NREP: variants seen among roughly 807,000 people sequenced by gnomAD.
NREP encodes neuronal regeneration-related protein.
Under a neutral mutation model 8.6 loss-of-function variants are expected in NREP, and 5 were observed. That is an observed-to-expected ratio of 0.58 (90% CI 0.30 to 1.22). NREP has a LOEUF of 1.22. Among genes scored for constraint, NREP ranks in the 50% most tolerant of loss-of-function variants. The pLI is 0.07. For synonymous variants in NREP, 27 were observed against 28.0 expected, an observed-to-expected ratio of 0.96 and a Z score of 0.11; for missense variants, 86 against 82.5, an observed-to-expected ratio of 1.04 and a Z score of -0.17.
At chr5:111,931,862 C>G (rs1314343270) in intron 2 of NREP, among the ~76,000 whole-genome samples, 6 of 151,908 alleles carry the variant, frequency 3.9e-5, no homozygotes, top group Non-Finnish European at 8.8e-5. Flanking sequence ...ATATCTTTCT[C>G]ATTAGGCCTT....
chr5:111,892,709 A>T (rs1274630797), intron 2 of NREP, among the ~76,000 whole-genome samples: 1 of 152,178 alleles, frequency 6.6e-6, no homozygotes, highest in Non-Finnish European at 1.5e-5. Flanking sequence ...AATATAATTA[A>T]AAGAGTGACT....
intron 2 of NREP, among the ~76,000 whole-genome samples, chr5:111,878,209 A>G (rs533621230): frequency 1.3e-5 from 2 of 152,210 alleles, no homozygotes; most frequent in African/African-American, 2.4e-5. Flanking sequence ...TTAAATATTC[A>G]TATAATAGAT....
At position 111,966,051 on chromosome 5, in the gene NREP, T is replaced by G. The variant is rs557492913; in HGVS notation, c.135+9223A>C. 1.1e-4 allele frequency among the ~76,000 whole-genome samples: 17 copies of G among 152,288 alleles called. No homozygotes were observed. In the East Asian group the frequency reaches 3.3e-3, roughly 29 times the overall value. Reference sequence around the variant, plus strand: ...AGTGATCACACCCAGAGATGCTGTATCAGGGCAAGTTACATTATAATCTAG... The same window carrying G: ...AGTGATCACACCCAGAGATGCTGTAGCAGGGCAAGTTACATTATAATCTAG... On this transcript the variant is annotated intron_variant, in intron 2 of 3. Coordinates refer to the NREP transcript ENST00000395634.
chr5:111,768,321 C>T (rs1208870153), intron 2 of NREP, among the ~76,000 whole-genome samples: 1 of 152,118 alleles, frequency 6.6e-6, no homozygotes, highest in East Asian at 1.9e-4. Context: ...TTTGGAAGCA[C>T]ATCTTGCTTT....
chr5:111,849,744 CT>C (rs11349949), intron 2 of NREP, among the ~76,000 whole-genome samples: 6,975 of 152,170 alleles, frequency 0.046, 544 homozygotes, highest in African/African-American at 0.16. Context: ...AGCTGCCCAG[CT>C]GAAATATACA....
At chr5:111,947,789 T>A (rs150952405) in intron 2 of NREP, among the ~76,000 whole-genome samples, 126 of 152,182 alleles carry the variant, frequency 8.3e-4, no homozygotes, top group African/African-American at 2.9e-3. Context: ...AAGTAGGACA[T>A]CTTCGCAAGC....
upstream of NREP, chr5:111,757,665 T>C (rs950536336): frequency 3.1e-5 from 30 of 982,758 alleles, no homozygotes; most frequent in Non-Finnish European, 3.4e-5. Context: ...CGCCGCGCCG[T>C]CCCCACTGCA....
rs1440207778 is a variant in NREP at position 111,757,151 on chromosome 5, T to A, written c.-74A>T. 4.1e-6 allele frequency: 4 copies of A among 976,906 alleles called. No individual in the cohort carries two copies. The highest frequency in any genetic ancestry group is 4.8e-6 in the Non-Finnish European group (4 of 825,158). 60.5% of individuals were successfully genotyped at this position (976,906 alleles called of 1,614,324 possible). A position where few individuals can be genotyped will look rare whatever the true frequency, so the allele number is the denominator to read the frequency against. ...ATATACTTACAGACAAAAGCCCCGC[T>A]CCCTGTTCACTCTCTCTCCTCTCTA... On this transcript the variant is annotated 5_prime_UTR_variant, in exon 1 of 4. Coordinates refer to ENST00000257435, the MANE Select transcript of NREP (RefSeq NM_004772.4).
In NREP at chr5:111,729,455, G is replaced by A. The variant is rs1581010744; in HGVS notation, c.*1466C>T. On this transcript the variant is annotated 3_prime_UTR_variant, in exon 4 of 4. Coordinates refer to ENST00000257435, the MANE Select transcript of NREP (RefSeq NM_004772.4). ...ACTGCAACTCTACATAAATGCCACA[G>A]ATGCAGAATACTGTTTTCTTGCTCT... 6.6e-6 allele frequency: 1 copy of A among 152,570 alleles called. No individual in the cohort carries two copies. Among genetic ancestry groups the A allele is most frequent in the African/African-American group, 2.4e-5 (1 of 41,464 alleles). 9.5% of individuals were successfully genotyped at this position (152,570 alleles called of 1,614,324 possible). A position where few individuals can be genotyped will look rare whatever the true frequency, so the allele number is the denominator to read the frequency against.
rs115052503 is a variant in NREP at position 111,874,118 on chromosome 5, C to T, written c.135+101156G>A. ...ATCCACTTGCCCCAGAGCTAGTTCTCTGCAGGGTTCATTGGGGTATCCAAT... is the reference window on the plus strand; with the variant it reads ...ATCCACTTGCCCCAGAGCTAGTTCTTTGCAGGGTTCATTGGGGTATCCAAT... On this transcript the variant is annotated intron_variant, in intron 2 of 3. Coordinates refer to the NREP transcript ENST00000395634. Among the ~76,000 whole-genome samples, 742 of 152,254 alleles carry T rather than the reference C, an allele frequency of 4.9e-3. 9 individuals carry two copies. Among genetic ancestry groups the T allele is most frequent in the African/African-American group, 0.017 (700 of 41,540 alleles).
At chr5:111,959,275 A>C (rs568325632) in intron 2 of NREP, among the ~76,000 whole-genome samples, 6 of 152,130 alleles carry the variant, frequency 3.9e-5, no homozygotes, top group Non-Finnish European at 1.5e-5. Flanking sequence ...AAATTAGTCT[A>C]TGGTGATTGA....
chr5:111,868,072 GA>G (rs1315000624), intron 2 of NREP, among the ~76,000 whole-genome samples: 2 of 151,378 alleles, frequency 1.3e-5, no homozygotes, highest in African/African-American at 4.8e-5. Context: ...TTAAAAATGA[GA>G]AAAAAAAGAT....
chr5:111,871,692 A>C (rs1581178298), intron 2 of NREP, among the ~76,000 whole-genome samples: 1 of 151,720 alleles, frequency 6.6e-6, no homozygotes, highest in East Asian at 1.9e-4. Flanking sequence ...TTTTTTGTTC[A>C]AAGCTAAGAC....
intron 2 of NREP, among the ~76,000 whole-genome samples, chr5:111,874,909 G>A (rs1753869722): frequency 6.6e-6 from 1 of 152,126 alleles, no homozygotes; most frequent in Admixed American, 6.5e-5. Context: ...AGTAGGCTAG[G>A]ATATCTGAAA....
intron 2 of NREP, among the ~76,000 whole-genome samples, chr5:111,875,609 A>C (rs1753888116): frequency 1.3e-5 from 2 of 152,222 alleles, no homozygotes; most frequent in Non-Finnish European, 2.9e-5. Flanking sequence ...TTATAGATAA[A>C]ACAGTATTAC....
rs1222291777 is a variant in NREP, at chr5:111,735,558, T to C, written c.4-51A>G. The stretch of plus-strand genomic sequence containing the variant: ...TTCAGATTAAAAACAGGATCCACTC[T>C]GAAACTACACGGGATAACCTTAATG... On this transcript the variant is annotated intron_variant, in intron 2 of 3. Transcript: ENST00000257435. 3.8e-6 allele frequency: 5 copies of C among 1,331,214 alleles called. No individual in the cohort carries two copies. In the East Asian group the frequency reaches 1.2e-4, roughly 31 times the overall value. The allele number at this position is 1,331,214 out of a possible 1,614,324, so 82.5% of individuals were successfully genotyped here. A position where few individuals can be genotyped will look rare whatever the true frequency, so the allele number is the denominator to read the frequency against.
chr5:111,768,505 C>G (rs1751138501), intron 2 of NREP, among the ~76,000 whole-genome samples: 1 of 152,156 alleles, frequency 6.6e-6, no homozygotes, highest in Non-Finnish European at 1.5e-5. Context: ...TTTTTCAACC[C>G]TTGCTCTCCT....
chr5:111,953,583 G>A (rs1197309040), intron 2 of NREP, among the ~76,000 whole-genome samples: 1 of 152,032 alleles, frequency 6.6e-6, no homozygotes, highest in African/African-American at 2.4e-5. Flanking sequence ...TTTAAGTAGT[G>A]AGAATACAAA....
intron 2 of NREP, among the ~76,000 whole-genome samples, chr5:111,825,047 C>G (rs1752591167): frequency 6.6e-6 from 1 of 152,132 alleles, no homozygotes; most frequent in African/African-American, 2.4e-5. Context: ...GAGTTAAGAA[C>G]TGTGATGTAT....
Sources: gnomAD v4.1 joint callset for allele counts (sites outside exome capture counted in the v4.1 genomes callset) on GRCh38, gnomAD v4.1.1 for gene constraint, MANE v1.5 for transcripts, NCBI Gene and HGNC (gene_info 2026-07-23, HGNC 2026-07-21) for gene names.